The following KIAA1549L variants were observed in gnomAD, a reference collection of about 807,000 sequenced individuals.
The protein encoded by KIAA1549L is UPF0606 protein KIAA1549L.
Under a neutral mutation model 160.7 loss-of-function variants are expected in KIAA1549L, and 88 were observed. The observed-to-expected ratio is 0.55, with a 90% CI of 0.46 to 0.65. The LOEUF (loss-of-function observed/expected upper bound fraction) is 0.65, where lower values mean the gene tolerates loss of function less well. Among genes scored for constraint, KIAA1549L ranks in the 30% least tolerant of loss-of-function variants. The probability of loss-of-function intolerance (pLI) is 0.00; values close to 1 mark genes in which losing one functional copy is unlikely to be tolerated. For synonymous variants in KIAA1549L, 950 were observed against 976.7 expected, an observed-to-expected ratio of 0.97 and a Z score of 0.51; for missense variants, 2,258 against 2,437.5, an observed-to-expected ratio of 0.93 and a Z score of 1.55.
intron 19 of KIAA1549L, among the ~76,000 whole-genome samples, chr11:33,659,275 A>G (rs1016880564): frequency 6.6e-6 from 1 of 152,252 alleles, no homozygotes; most frequent in Non-Finnish European, 1.5e-5. Flanking sequence ...CCTTTGCCAC[A>G]TATGTATGTT....
chr11:33,645,692 C>T lies in KIAA1549L; in HGVS notation c.5416C>T (p.Pro1806Ser). The T allele has an allele frequency of 1.9e-6, 3 of 1,611,916 alleles. No individual in the cohort carries two copies. The highest frequency in any genetic ancestry group is 2.2e-5 in the East Asian group (1 of 44,856). The change falls in exon 17 of 21, where the codon CCT (proline) becomes TCT (serine). Residue 1806 changes from proline (P) to serine (S), a missense_variant. By Grantham distance (74) the Pro-to-Ser change is moderately conservative (BLOSUM62 -1). This residue lies in a region of KIAA1549L where 1,359 missense variants were observed against 1,546.6 expected (regional missense o/e 0.88). Coordinates refer to ENST00000658780, the MANE Select transcript of KIAA1549L (RefSeq NM_012194.3). ...GCTTTGTTTCCTCCCACAGACTGAG[C>T]CTGAAATCATAGAGGAAACCAACAT... Reference protein sequence around the residue: ...GIRNSGYDTEPEIIEETNIDR... With the variant: ...GIRNSGYDTESEIIEETNIDR...
At position 33,464,472 on chromosome 11, in the gene KIAA1549L, GCA is replaced by G. The variant is rs141406067; in HGVS notation, c.239-77329_239-77328del. Among the ~76,000 whole-genome samples the G allele has an allele frequency of 4.3e-5, 6 of 139,632 alleles. No individual in the cohort carries two copies. The South Asian group carries it at 7.1e-4, about 16-fold the overall frequency. 91.6% of individuals were successfully genotyped at this position (139,632 alleles called of 152,430 possible). On this transcript the variant is annotated intron_variant, in intron 1 of 20. Coordinates refer to ENST00000658780, the MANE Select transcript of KIAA1549L (RefSeq NM_012194.3). Reference sequence around the variant, plus strand: ...CCCAAATGCCTGCAGAGCTGTGTGTGCATGTGTGTGTGTGTGTGTGTGTGTGT... The same window carrying G: ...CCCAAATGCCTGCAGAGCTGTGTGTGTGTGTGTGTGTGTGTGTGTGTGTGT...
At chr11:33,490,267 CCAGG>C (rs1189649286) in intron 1 of KIAA1549L, among the ~76,000 whole-genome samples, 1 of 151,896 alleles carries the variant, frequency 6.6e-6, no homozygotes, top group Non-Finnish European at 1.5e-5. Context: ...ATCCAAGGCC[CCAGG>C]CATGAAGGTT....
At chr11:33,645,174 T>C (rs1472713463) in intron 16 of KIAA1549L, among the ~76,000 whole-genome samples, 2 of 152,214 alleles carry the variant, frequency 1.3e-5, no homozygotes, top group Non-Finnish European at 2.9e-5. Flanking sequence ...TACCACGCTT[T>C]AAGAGCTGTG....
At chr11:33,425,107 A>G (rs1851089918) in intron 1 of KIAA1549L, among the ~76,000 whole-genome samples, 1 of 152,134 alleles carries the variant, frequency 6.6e-6, no homozygotes, top group Non-Finnish European at 1.5e-5. Flanking sequence ...TATTTTATTC[A>G]TTTGTAGGGT....
At position 33,486,102 on chromosome 11, in the gene KIAA1549L, T is replaced by C. The variant is rs114482995; in HGVS notation, c.239-55700T>C. Among the ~76,000 whole-genome samples the C allele has an allele frequency of 7.1e-3, 1,075 of 152,304 alleles. 15 individuals carry two copies. Among genetic ancestry groups the C allele is most frequent in the African/African-American group, 0.025 (1,038 of 41,558 alleles). On this transcript the variant is annotated intron_variant, in intron 1 of 20. Coordinates refer to ENST00000658780, the MANE Select transcript of KIAA1549L (RefSeq NM_012194.3). ...TGAACATGGAAGTGCAGGTATCTCC[T>C]TGACATACCGATTTTATTTCCTTTG...
chr11:33,583,414 C>T lies in KIAA1549L; in HGVS notation c.4479C>T (p.Ile1493=), dbSNP rs2273115. The change falls in exon 11 of 21, where the codon ATC becomes ATT. Residue 1493 remains isoleucine (I), a synonymous_variant. Coordinates refer to ENST00000658780, the MANE Select transcript of KIAA1549L (RefSeq NM_012194.3). ...VLAPIAVVTV[I]IIIITAVLCR... Reference sequence around the variant, plus strand: ...CGCCCATTGCCGTGGTCACGGTCATCATCATCATCATCACTGCCGTGCTCT... The same window carrying T: ...CGCCCATTGCCGTGGTCACGGTCATTATCATCATCATCACTGCCGTGCTCT... 358,314 of 1,597,198 alleles carry T rather than the reference C, an allele frequency of 0.22. 42,693 individuals carry two copies. The highest frequency in any genetic ancestry group is 0.35 in the East Asian group (15,331 of 44,036).
chr11:33,656,621 T>G (rs962204043), intron 18 of KIAA1549L, among the ~76,000 whole-genome samples: 2 of 152,170 alleles, frequency 1.3e-5, no homozygotes, highest in Admixed American at 1.3e-4. Flanking sequence ...CGAGGGCATG[T>G]TTTTAATAAG....
chr11:33,487,401 TC>T (rs1272963561), intron 1 of KIAA1549L, among the ~76,000 whole-genome samples: 28 of 142,070 alleles, frequency 2.0e-4, no homozygotes, highest in South Asian at 1.6e-3. Context: ...GGTCTATTGT[TC>T]TTTTTTTTTT....
intron 15 of KIAA1549L, among the ~76,000 whole-genome samples, chr11:33,613,415 G>C (rs1216660135): frequency 6.6e-6 from 1 of 152,136 alleles, no homozygotes; most frequent in Non-Finnish European, 1.5e-5. Flanking sequence ...TTGAAAAGGA[G>C]ACTGGGTAAT....
chr11:33,635,334 A>G (rs1851409669), intron 16 of KIAA1549L, among the ~76,000 whole-genome samples: 1 of 152,238 alleles, frequency 6.6e-6, no homozygotes, highest in African/African-American at 2.4e-5. Flanking sequence ...CATCATGGCC[A>G]GATGGCCCAG....
chr11:33,485,391 G>C (rs1852500902), intron 1 of KIAA1549L, among the ~76,000 whole-genome samples: 1 of 152,048 alleles, frequency 6.6e-6, no homozygotes, highest in African/African-American at 2.4e-5. Flanking sequence ...CTTATTAATA[G>C]TGAATGAGTC....
chr11:33,659,918 T>C (rs1004344825), intron 19 of KIAA1549L, among the ~76,000 whole-genome samples: 1 of 152,032 alleles, frequency 6.6e-6, no homozygotes, highest in African/African-American at 2.4e-5. Flanking sequence ...GGTCTGCTGC[T>C]CCCCCAACCC....
chr11:33,439,308 T>G (rs762982331), intron 1 of KIAA1549L, among the ~76,000 whole-genome samples: 1 of 152,204 alleles, frequency 6.6e-6, no homozygotes, highest in Non-Finnish European at 1.5e-5. Flanking sequence ...ATGGAGTACA[T>G]GAGATATTTT....
At chr11:33,588,552 G>C (rs1046436718) in intron 11 of KIAA1549L, among the ~76,000 whole-genome samples, 2 of 152,194 alleles carry the variant, frequency 1.3e-5, no homozygotes, top group African/African-American at 4.8e-5. Context: ...TGAAACAGTG[G>C]ACCTGGGGAG....
At position 33,542,501 on chromosome 11, in the gene KIAA1549L, C is replaced by T. The variant is rs1436264710; in HGVS notation, c.938C>T (p.Pro313Leu). The part of the protein sequence containing the change: ...SQNAQDLIGI[P>L]HLGVSGSSTK... Reference sequence around the variant, plus strand: ...AATGCCCAGGATCTCATAGGCATCCCTCATCTAGGTGTTTCTGGATCCTCA... The same window carrying T: ...AATGCCCAGGATCTCATAGGCATCCTTCATCTAGGTGTTTCTGGATCCTCA... Residue 313 changes from proline (P) to leucine (L), a missense_variant, in exon 2 of 21, where the codon CCT becomes CTT. Physicochemically the swap from Pro to Leu is moderately conservative, Grantham distance 98. Around this residue, in one of 6 missense-constraint regions of KIAA1549L, gnomAD observed 540 missense variants for 465.7 expected, o/e 1.16. Transcript: ENST00000658780. The T allele has an allele frequency of 6.2e-7, 1 of 1,613,734 alleles. No individual in the cohort carries two copies. The highest frequency in any genetic ancestry group is 8.5e-7 in the Non-Finnish European group (1 of 1,179,776).
chr11:33,584,744 A>G (rs1185297791), intron 11 of KIAA1549L, among the ~76,000 whole-genome samples: 1 of 152,168 alleles, frequency 6.6e-6, no homozygotes, highest in Admixed American at 6.5e-5. Flanking sequence ...GTCCAAAGTC[A>G]TGCTAGCAGC....
At chr11:33,456,933 A>G (rs1481084329) in intron 1 of KIAA1549L, among the ~76,000 whole-genome samples, 5 of 152,212 alleles carry the variant, frequency 3.3e-5, no homozygotes, top group Admixed American at 6.5e-5. Flanking sequence ...TTTCATCTCC[A>G]CATTTTGCTC....
At chr11:33,541,193 G>A (rs1854012611) in intron 1 of KIAA1549L, among the ~76,000 whole-genome samples, 1 of 152,156 alleles carries the variant, frequency 6.6e-6, no homozygotes, top group South Asian at 2.1e-4. Flanking sequence ...GGCCCTGTGA[G>A]AAGTGTCTCC....
Sources: allele counts gnomAD v4.1 joint callset (sites outside exome capture counted in the v4.1 genomes callset), GRCh38; gene constraint gnomAD v4.1.1; regional missense constraint gnomAD v4.1.1; transcripts MANE v1.5; gene names NCBI Gene and HGNC (gene_info 2026-07-23, HGNC 2026-07-21).